Variants in PTPRD observed in about 807,000 individuals in gnomAD.
PTPRD encodes the protein protein tyrosine phosphatase receptor type D, also known as receptor-type tyrosine-protein phosphatase delta.
Under a neutral mutation model 214.5 loss-of-function variants are expected in PTPRD, and 34 were observed. That is an observed-to-expected ratio of 0.16 (90% CI 0.12 to 0.21). The LOEUF (loss-of-function observed/expected upper bound fraction) is 0.21, where lower values mean the gene tolerates loss of function less well. Among genes scored for constraint, PTPRD ranks in the 10% least tolerant of loss-of-function variants. The pLI, the probability that PTPRD is intolerant of heterozygous loss-of-function variation, is 1.00. For synonymous variants in PTPRD, 1,128 were observed against 845.7 expected, an observed-to-expected ratio of 1.33 and a Z score of -5.79; for missense variants, 2,545 against 2,398.7, an observed-to-expected ratio of 1.06 and a Z score of -1.27.
chr9:10,606,349 T>C (rs1173424812), intron 2 of PTPRD, among the ~76,000 whole-genome samples: 2 of 151,764 alleles, frequency 1.3e-5, no homozygotes, highest in Non-Finnish European at 2.9e-5. Context: ...CCTCCATCCT[T>C]TTCCACTGAG....
intron 2 of PTPRD, among the ~76,000 whole-genome samples, chr9:10,425,904 A>T (rs1268102341): frequency 2.0e-5 from 3 of 152,010 alleles, no homozygotes; most frequent in Non-Finnish European, 4.4e-5. Flanking sequence ...TGAACATCTT[A>T]TTAAATTGAA....
chr9:9,934,216 A>C lies in PTPRD; in HGVS notation c.-368+4291T>G, dbSNP rs936445515. On this transcript the variant is annotated intron_variant, in intron 5 of 45. Transcript: ENST00000381196. The stretch of plus-strand genomic sequence containing the variant: ...ATTCAAAAGCTAGCAGAAGGCAAGA[A>C]ATAAGTAAGATCAGAGCAGAACTGA... Among the ~76,000 whole-genome samples, 49 of 148,342 alleles carry C rather than the reference A, an allele frequency of 3.3e-4. 4 individuals are homozygous for C. The highest frequency in any genetic ancestry group is 1.2e-3 in the African/African-American group (46 of 38,598).
At chr9:10,136,760 G>A (rs1265512740) in intron 3 of PTPRD, among the ~76,000 whole-genome samples, 4 of 72,766 alleles carry the variant, frequency 5.5e-5, no homozygotes, top group Non-Finnish European at 1.0e-4. Context: ...AGAGTGAACA[G>A]GCAACCTACA....
At chr9:9,232,376 T>C (rs1204958291) in intron 9 of PTPRD, among the ~76,000 whole-genome samples, 1 of 152,182 alleles carries the variant, frequency 6.6e-6, no homozygotes, top group Admixed American at 6.5e-5. Flanking sequence ...GCACCATCAT[T>C]ATAAAACATT....
intron 5 of PTPRD, among the ~76,000 whole-genome samples, chr9:9,875,663 G>A (rs1490034505): frequency 6.6e-6 from 1 of 152,108 alleles, no homozygotes; most frequent in East Asian, 1.9e-4. Context: ...CTGAAACCTA[G>A]TACTTAGTAA....
In PTPRD at chr9:9,002,233, CTATT is replaced by C. The variant is rs527656414; in HGVS notation, c.-104+16460_-104+16463del. On this transcript the variant is annotated intron_variant, in intron 11 of 45. Coordinates refer to ENST00000381196, the MANE Select transcript of PTPRD (RefSeq NM_002839.4). ...GAAACAAAATATTCAATATAAAAAA[CTATT>C]TACCCAAGATTTTTCAGAAAAATCA... 1.0e-3 allele frequency among the ~76,000 whole-genome samples: 154 copies of C among 151,968 alleles called. 1 individual carries two copies. Among genetic ancestry groups the C allele is most frequent in the African/African-American group, 3.6e-3 (148 of 41,456 alleles).
At chr9:9,435,985 A>C (rs892689068) in intron 8 of PTPRD, among the ~76,000 whole-genome samples, 3 of 151,980 alleles carry the variant, frequency 2.0e-5, no homozygotes, top group African/African-American at 7.3e-5. Flanking sequence ...CTTTTTCTCC[A>C]TTTCTGCCTG....
At chr9:8,783,791 C>G (rs1465254459) in intron 11 of PTPRD, among the ~76,000 whole-genome samples, 1 of 152,082 alleles carries the variant, frequency 6.6e-6, no homozygotes, top group African/African-American at 2.4e-5. Context: ...TATTCCTTTA[C>G]AAATTCCCAG....
intron 9 of PTPRD, among the ~76,000 whole-genome samples, chr9:9,275,118 A>T (rs1314713490): frequency 5.6e-5 from 3 of 53,448 alleles, no homozygotes; most frequent in South Asian, 4.3e-4. Context: ...TTATATATAT[A>T]TTATATATAT....
intron 5 of PTPRD, among the ~76,000 whole-genome samples, chr9:9,821,871 T>A (rs1238557164): frequency 6.6e-6 from 1 of 150,884 alleles, no homozygotes; most frequent in Non-Finnish European, 1.5e-5. Context: ...TGTGCATGCC[T>A]GTATATGTAT....
intron 2 of PTPRD, among the ~76,000 whole-genome samples, chr9:10,453,215 C>T (rs2098860496): frequency 6.6e-6 from 1 of 151,702 alleles, no homozygotes; most frequent in South Asian, 2.1e-4. Context: ...GTTTTGATTA[C>T]TATAGACTTG....
chr9:9,363,712 C>T (rs888923909), intron 9 of PTPRD, among the ~76,000 whole-genome samples: 8 of 151,336 alleles, frequency 5.3e-5, no homozygotes, highest in East Asian at 3.9e-4. Flanking sequence ...TACAGGTGAC[C>T]ACTCTAGATT....
chr9:8,646,254 G>A lies in PTPRD; in HGVS notation c.65-9410C>T, dbSNP rs149525582. Among the ~76,000 whole-genome samples, 512 of 152,202 alleles carry A rather than the reference G, an allele frequency of 3.4e-3. 3 individuals are homozygous for A. Among genetic ancestry groups the A allele is most frequent in the South Asian group, 0.019 (89 of 4,808 alleles). On this transcript the variant is annotated intron_variant, in intron 12 of 45. Coordinates refer to ENST00000381196, the MANE Select transcript of PTPRD (RefSeq NM_002839.4). ...ACTCTCACTTCAGGTGCTTCATCTC[G>A]ACAATCAATATTACACTTTACTATG...
rs372332556 is a variant in PTPRD at position 10,577,736 on chromosome 9, T to G, written c.-600+34662A>C. Among the ~76,000 whole-genome samples, 13 of 152,272 alleles carry G rather than the reference T, an allele frequency of 8.5e-5. No homozygotes were observed. The East Asian group carries it at 2.1e-3, about 25-fold the overall frequency. Reference sequence around the variant, plus strand: ...TATAAATTAAAAATCAACATAGAACTTAAGATATTTTATTGATTAAAACAA... The same window carrying G: ...TATAAATTAAAAATCAACATAGAACGTAAGATATTTTATTGATTAAAACAA... On this transcript the variant is annotated intron_variant, in intron 2 of 45. Transcript: ENST00000381196.
chr9:10,206,910 T>C (rs2099485537), intron 3 of PTPRD, among the ~76,000 whole-genome samples: 2 of 152,120 alleles, frequency 1.3e-5, no homozygotes, highest in Non-Finnish European at 2.9e-5. Context: ...CTGGAGCATA[T>C]CATCACAATG....
intron 11 of PTPRD, among the ~76,000 whole-genome samples, chr9:8,780,096 T>A (rs1320150867): frequency 1.3e-5 from 2 of 152,170 alleles, no homozygotes; most frequent in Non-Finnish European, 2.9e-5. Context: ...AGGATCTCCC[T>A]TCTGGGGAAA....
intron 5 of PTPRD, among the ~76,000 whole-genome samples, chr9:9,916,343 G>T (rs893025669): frequency 6.6e-6 from 1 of 151,774 alleles, no homozygotes; most frequent in Admixed American, 6.6e-5. Flanking sequence ...TATCACTATA[G>T]AAAACCAACC....
rs376695815 is a variant in PTPRD at position 10,202,671 on chromosome 9, G to GAGATATATATAT, written c.-545+138291_-545+138292insATATATATATCT. Among the ~76,000 whole-genome samples, 287 of 113,102 alleles carry GAGATATATATAT rather than the reference G, an allele frequency of 2.5e-3. 5 individuals carry two copies. Among genetic ancestry groups the GAGATATATATAT allele is most frequent in the African/African-American group, 8.9e-3 (251 of 28,178 alleles). The allele number at this position is 113,102 out of a possible 152,430, so 74.2% of individuals were successfully genotyped here. On this transcript the variant is annotated intron_variant, in intron 3 of 45. Coordinates refer to ENST00000381196, the MANE Select transcript of PTPRD (RefSeq NM_002839.4). ...GATGCCTACTTATAAAAATTATATG[G>GAGATATATATAT]ATATATATATATATATATATATATA...
At chr9:8,726,498 G>A (rs2098559129) in intron 12 of PTPRD, among the ~76,000 whole-genome samples, 1 of 145,528 alleles carries the variant, frequency 6.9e-6, no homozygotes, top group Admixed American at 7.0e-5. Context: ...TTGGGAGGCT[G>A]AGGCAGGTGG....
Sources: gnomAD v4.1 joint callset for allele counts (sites outside exome capture counted in the v4.1 genomes callset) on GRCh38, gnomAD v4.1.1 for gene constraint, MANE v1.5 for transcripts, NCBI Gene and HGNC (gene_info 2026-07-23, HGNC 2026-07-21) for gene names.